Variants in PPIE observed in about 807,000 individuals in gnomAD.
The protein encoded by PPIE is peptidyl-prolyl cis-trans isomerase E.
PPIE carries 20 observed loss-of-function variants against 38.4 expected under a neutral mutation model. That is an observed-to-expected ratio of 0.52 (90% confidence interval 0.37 to 0.76). The LOEUF (loss-of-function observed/expected upper bound fraction) is 0.76, where lower values mean the gene tolerates loss of function less well. Ranked by LOEUF, PPIE falls within the 30% of genes least tolerant of loss-of-function variation. The pLI is 0.00. For missense variants in PPIE, 322 were observed against 385.8 expected (o/e 0.83, Z 1.39); for synonymous variants, 142 against 135.7 (o/e 1.05, Z -0.32).
At chr1:39,757,170 T>C (rs1648367955), downstream of PPIE, 1 of 152,226 alleles carries the variant, frequency 6.6e-6, no homozygotes, top group African/African-American at 2.4e-5. Context: ...CTGAAATAAA[T>C]ACATCATCAC....
intron 9 of PPIE, among the ~76,000 whole-genome samples, chr1:39,763,384 G>T (rs554833237): frequency 9.6e-6 from 1 of 103,640 alleles, no homozygotes; most frequent in Admixed American, 8.5e-5. Context: ...TTCACTTTGC[G>T]TCCCCTCCCC....
rs1569729393 is a variant in PPIE at position 39,756,335 on chromosome 1, C to T, written c.*2980C>T. Reference sequence around the variant, plus strand: ...GCTGGACCAGCACCAGGACTGGGCACAGGGCTTCCTTTTGCTGATTCATTT... The same window carrying T: ...GCTGGACCAGCACCAGGACTGGGCATAGGGCTTCCTTTTGCTGATTCATTT... On this transcript the variant is annotated 3_prime_UTR_variant, in exon 10 of 10. Transcript: ENST00000324379. 2.0e-6 allele frequency: 2 copies of T among 985,444 alleles called. No homozygotes were observed. Among genetic ancestry groups the T allele is most frequent in the Non-Finnish European group, 2.4e-6 (2 of 829,928 alleles). The allele number at this position is 985,444 out of a possible 1,614,324, so 61.0% of individuals were successfully genotyped here.
chr1:39,762,544 G>A, intron 9 of PPIE: 1 of 1,550,408 alleles, frequency 6.4e-7, no homozygotes, highest in Non-Finnish European at 8.7e-7. Flanking sequence ...GGCATCAAAA[G>A]CCAGGGGATC....
intron 7 of PPIE, chr1:39,745,897 C>A: frequency 6.2e-6 from 1 of 161,288 alleles, no homozygotes; most frequent in Non-Finnish European, 1.4e-5. Context: ...GACTTCTATT[C>A]TCTTTTTAAT....
Position 39,743,919 on chromosome 1 carries a change from C to A in PPIE, c.379C>A (p.Gln127Lys). 1 of 1,610,212 alleles carries A rather than the reference C, an allele frequency of 6.2e-7. No individual in the cohort carries two copies. The highest frequency in any genetic ancestry group is 8.5e-7 in the Non-Finnish European group (1 of 1,177,816). ...EGSEPPKAETQEGEPIAKKAR... is the reference protein window; with the variant it reads ...EGSEPPKAETKEGEPIAKKAR... The stretch of plus-strand genomic sequence containing the variant: ...GTCAGAGCCTCCCAAAGCAGAGACC[C>A]AGGAGGTGAGAATGAAGCTCCTGCT... Residue 127 changes from glutamine to lysine, a missense_variant, in exon 6 of 10, where the codon CAG (glutamine) becomes AAG (lysine). Physicochemically the swap from Gln to Lys is moderately conservative, Grantham distance 53 (BLOSUM62 1). Coordinates refer to ENST00000324379, the MANE Select transcript of PPIE (RefSeq NM_006112.4).
chr1:39,751,402 C>T (rs2124357922), intron 8 of PPIE, among the ~76,000 whole-genome samples: 1 of 152,116 alleles, frequency 6.6e-6, no homozygotes, highest in East Asian at 1.9e-4. Context: ...TTCTGTTGCT[C>T]AGGCTGGAGT....
chr1:39,751,715 C>A (rs1039125283), intron 8 of PPIE, among the ~76,000 whole-genome samples: 4 of 152,154 alleles, frequency 2.6e-5, no homozygotes, highest in Admixed American at 6.5e-5. Flanking sequence ...TTGTGCCAGA[C>A]ATTGCAGAAC....
At position 39,753,794 on chromosome 1, in the gene PPIE, G is replaced by T. The variant is rs1648009301; in HGVS notation, c.*439G>T. The T allele has an allele frequency of 6.0e-6, 6 of 997,636 alleles. No homozygotes were observed. The highest frequency in any genetic ancestry group is 7.2e-6 in the Non-Finnish European group (6 of 837,764). The allele number at this position is 997,636 out of a possible 1,614,324, so 61.8% of individuals were successfully genotyped here. The stretch of plus-strand genomic sequence containing the variant: ...CAGGCTGGTGAGTGGGGAGAGCAGA[G>T]CATCTTTTTCACAGCTTTCATTTCC... On this transcript the variant is annotated 3_prime_UTR_variant, in exon 10 of 10. Coordinates refer to ENST00000324379, the MANE Select transcript of PPIE (RefSeq NM_006112.4).
At chr1:39,741,190 T>C (rs972939036) in intron 2 of PPIE, among the ~76,000 whole-genome samples, 176 bp from the exon 3 acceptor site, 51 of 152,250 alleles carry the variant, frequency 3.3e-4, no homozygotes, top group African/African-American at 1.2e-3. Context: ...AAGTTTATTA[T>C]TGCTTAAAAT....
rs1288451351 is a variant in PPIE at position 39,744,032 on chromosome 1, G to A, written c.384+108G>A. On this transcript the variant is annotated intron_variant, in intron 6 of 9. Transcript: ENST00000324379. ...GCCAATATGTATATCAAAGTGGAGGGAATGAATAATGAATTCTTAGTACTT... is the reference window on the plus strand; with the variant it reads ...GCCAATATGTATATCAAAGTGGAGGAAATGAATAATGAATTCTTAGTACTT... 1.2e-5 allele frequency: 8 copies of A among 662,808 alleles called. No individual in the cohort carries two copies. In the East Asian group the frequency reaches 1.3e-4, roughly 11 times the overall value. The allele number at this position is 662,808 out of a possible 1,614,324, so 41.1% of individuals were successfully genotyped here.
rs200425207 is a variant in PPIE, at chr1:39,752,098, CA to C, written c.695-805del. On this transcript the variant is annotated intron_variant, in intron 8 of 9. Coordinates refer to ENST00000324379, the MANE Select transcript of PPIE (RefSeq NM_006112.4). Reference sequence around the variant, plus strand: ...CTGGGTGACAGAGTGATCCCCATCTCAAAAAAAGTAAATTCAGATTTCCAAA... The same window carrying C: ...CTGGGTGACAGAGTGATCCCCATCTCAAAAAAGTAAATTCAGATTTCCAAA... 6.5e-3 allele frequency among the ~76,000 whole-genome samples: 992 copies of C among 152,010 alleles called. 12 individuals carry two copies. The highest frequency in any genetic ancestry group is 0.022 in the African/African-American group (929 of 41,488).
chr1:39,758,125 T>G (rs1648491810), downstream of PPIE: 1 of 152,228 alleles, frequency 6.6e-6, no homozygotes, highest in Non-Finnish European at 1.5e-5. Context: ...AGTAAAAAAT[T>G]AATTGTCAAA....
At chr1:39,752,621 C>G (rs907572431) in intron 8 of PPIE, among the ~76,000 whole-genome samples, 5 of 152,202 alleles carry the variant, frequency 3.3e-5, no homozygotes, top group Non-Finnish European at 4.4e-5. Context: ...CTATGTTCTG[C>G]TCATCAGTGT....
At chr1:39,752,868 G>A in intron 8 of PPIE, 42 bp from the exon 9 acceptor site, 2 of 1,592,064 alleles carry the variant, frequency 1.3e-6, no homozygotes, top group Non-Finnish European at 1.7e-6. Flanking sequence ...TTAAGGGCTG[G>A]TAGCCAGGGT....
intron 4 of PPIE, chr1:39,742,494 T>C (rs573716134): frequency 3.3e-4 from 38 of 115,228 alleles, no homozygotes; most frequent in East Asian, 7.8e-4. Context: ...TTCTTTCTTT[T>C]TTTTTTTTTT....
At chr1:39,739,217 G>A in intron 1 of PPIE, 2 of 380,688 alleles carry the variant, frequency 5.3e-6, no homozygotes, top group Non-Finnish European at 9.3e-6. Context: ...TTGCCCCCAA[G>A]GTTCAGGTTA....
chr1:39,755,919 C>G lies in PPIE; in HGVS notation c.*2564C>G. 1 of 985,436 alleles carries G rather than the reference C, an allele frequency of 1.0e-6. No individual in the cohort carries two copies. The highest frequency in any genetic ancestry group is 4.7e-5 in the South Asian group (1 of 21,284). The allele number at this position is 985,436 out of a possible 1,614,324, so 61.0% of individuals were successfully genotyped here. On this transcript the variant is annotated 3_prime_UTR_variant, in exon 10 of 10. Transcript: ENST00000324379. ...ATTAGAAGCCCAGCCTGTCTCTCTT[C>G]AGTAGTAATGGAGTCCTGGGAGGTT...
At chr1:39,752,806 G>A in intron 8 of PPIE, 104 bp from the exon 9 acceptor site, 7 of 1,407,084 alleles carry the variant, frequency 5.0e-6, no homozygotes, top group Non-Finnish European at 6.8e-6. Context: ...GTGCATCCCC[G>A]AGTCTGAGCC....
Position 39,743,811 on chromosome 1 carries a change from T to C in PPIE, c.284-13T>C, listed in dbSNP as rs200540029. ...CAGCTTGAATGAACATTTGTTTGAT[T>C]CTTTCCTTTCAGTTTGGTCAGATGA... On this transcript the variant is annotated splice_polypyrimidine_tract_variant and intron_variant, in intron 5 of 9. Coordinates refer to ENST00000324379, the MANE Select transcript of PPIE (RefSeq NM_006112.4). 6.5e-5 allele frequency: 104 copies of C among 1,603,608 alleles called. No homozygotes were observed. The East Asian group carries it at 2.2e-3, about 34-fold the overall frequency.
Sources: allele counts gnomAD v4.1 joint callset (sites outside exome capture counted in the v4.1 genomes callset), GRCh38; gene constraint gnomAD v4.1.1; transcripts MANE v1.5; gene names NCBI Gene and HGNC (gene_info 2026-07-23, HGNC 2026-07-21).